PARVB: variants seen among roughly 807,000 people sequenced by gnomAD.
The protein encoded by PARVB is parvin beta, also known as beta-parvin.
Under a neutral mutation model 47.0 loss-of-function variants are expected in PARVB, and 46 were observed. That is an observed-to-expected ratio of 0.98 (90% confidence interval 0.77 to 1.25). PARVB has a LOEUF of 1.25. Ranked by LOEUF, PARVB falls within the 50% of genes most tolerant of loss-of-function variation. The probability of loss-of-function intolerance (pLI) is 0.00; values close to 1 mark genes in which losing one functional copy is unlikely to be tolerated. For synonymous variants in PARVB, 196 were observed against 196.3 expected (o/e 1.00, Z 0.01); for missense variants, 473 against 471.6 (o/e 1.00, Z -0.03).
intron 10 of PARVB, 111 bp downstream of exon 10, chr22:44,151,662 A>G: frequency 2.4e-6 from 2 of 824,620 alleles, no homozygotes; most frequent in Non-Finnish European, 2.1e-6. Context: ...TTCATCTCAC[A>G]AGGAACTCCC....
intron 2 of PARVB, among the ~76,000 whole-genome samples, chr22:44,011,865 A>T (rs9614312): frequency 0.073 from 11,074 of 151,682 alleles, 535 homozygotes; most frequent in Non-Finnish European, 0.11. Flanking sequence ...CCAAAACACC[A>T]CTCTCATCCC....
At chr22:44,003,851 C>A (rs2050437098) in intron 2 of PARVB, among the ~76,000 whole-genome samples, 1 of 152,202 alleles carries the variant, frequency 6.6e-6, no homozygotes, top group Non-Finnish European at 1.5e-5. Context: ...CCCCAGAGGT[C>A]CCACAGCCTC....
intron 2 of PARVB, among the ~76,000 whole-genome samples, chr22:44,013,768 G>T (rs1409099996): frequency 6.6e-6 from 1 of 152,066 alleles, no homozygotes; most frequent in East Asian, 1.9e-4. Context: ...GAGTAGCTGG[G>T]ATTACAGGTG....
At position 43,999,510 on chromosome 22, in the gene PARVB, A is replaced by G. The variant is rs1307522840; in HGVS notation, c.72-24A>G. 4 of 1,562,038 alleles carry G rather than the reference A, an allele frequency of 2.6e-6. No homozygotes were observed. The Admixed American group carries it at 5.0e-5, about 20-fold the overall frequency. ...CTTGAGAAACTGGATCCGACAAACA[A>G]AAAATGTTCATTCCTACCTGCAGCA... On this transcript the variant is annotated intron_variant, in intron 1 of 13. Transcript: ENST00000406477.
At chr22:44,009,305 C>T (rs1414636978) in intron 2 of PARVB, among the ~76,000 whole-genome samples, 1 of 152,184 alleles carries the variant, frequency 6.6e-6, no homozygotes, top group Non-Finnish European at 1.5e-5. Context: ...AACCCAAACC[C>T]ATGAAAGTTT....
intron 1 of PARVB, among the ~76,000 whole-genome samples, chr22:44,055,641 T>C (rs372932300): frequency 4.2e-4 from 63 of 149,112 alleles, no homozygotes; most frequent in African/African-American, 1.4e-3. Flanking sequence ...CCTGTCTCTC[T>C]GTCTGTCTCT....
In PARVB at chr22:44,082,577, C is replaced by T. The variant is rs142495160; in HGVS notation, c.113-11351C>T. Reference sequence around the variant, plus strand: ...AAAACTGACTCATGTGGCTTTCAGTCTGAGAAACCAATCAGATCATCATTG... The same window carrying T: ...AAAACTGACTCATGTGGCTTTCAGTTTGAGAAACCAATCAGATCATCATTG... On this transcript the variant is annotated intron_variant, in intron 1 of 12. Coordinates refer to ENST00000338758, the MANE Select transcript of PARVB (RefSeq NM_013327.5). Among the ~76,000 whole-genome samples the T allele has an allele frequency of 5.9e-3, 898 of 152,238 alleles. 5 individuals carry two copies. The highest frequency in any genetic ancestry group is 0.021 in the African/African-American group (863 of 41,544).
chr22:44,133,328 A>G (rs530755216), intron 6 of PARVB, among the ~76,000 whole-genome samples: 11 of 152,250 alleles, frequency 7.2e-5, no homozygotes, highest in Middle Eastern at 6.8e-3. Context: ...CTTATTACTC[A>G]TTGGAGGAGG....
intron 1 of PARVB, among the ~76,000 whole-genome samples, chr22:44,079,676 A>G (rs971121835): frequency 3.3e-5 from 5 of 152,076 alleles, no homozygotes; most frequent in Non-Finnish European, 5.9e-5. Context: ...AAAACAATAC[A>G]TTACACTTTG....
upstream of PARVB, among the ~76,000 whole-genome samples, chr22:44,020,024 G>A (rs1426623717): frequency 6.6e-6 from 1 of 152,102 alleles, no homozygotes; most frequent in Non-Finnish European, 1.5e-5. Context: ...TGATGAACGG[G>A]CTGAGGATTT....
chr22:44,168,775 C>T lies in PARVB; in HGVS notation c.*97C>T, dbSNP rs2054230295. ...CCAGGGAGCCAGGCGCCATGGGCTT[C>T]TGGTCCAAGCTGTGTTGACTGTCAT... On this transcript the variant is annotated 3_prime_UTR_variant, in exon 13 of 13. Transcript: ENST00000338758. 1.6e-5 allele frequency: 13 copies of T among 797,096 alleles called. No individual in the cohort carries two copies. In the South Asian group the frequency reaches 1.9e-4, roughly 12 times the overall value. The allele number at this position is 797,096 out of a possible 1,614,324, so 49.4% of individuals were successfully genotyped here.
At chr22:44,104,012 A>G (rs1185945019) in intron 3 of PARVB, 1 of 152,196 alleles carries the variant, frequency 6.6e-6, no homozygotes, top group Non-Finnish European at 1.5e-5. Flanking sequence ...TTAATTTGTT[A>G]CAGTAGCCAC....
intron 8 of PARVB, 91 bp downstream of exon 8, chr22:44,140,234 G>A: frequency 7.6e-7 from 1 of 1,318,600 alleles, no homozygotes; most frequent in Non-Finnish European, 1.1e-6. Context: ...TCTGGAGGGA[G>A]TGGGAAACTA....
chr22:44,016,135 C>T (rs561889482), intron 2 of PARVB, among the ~76,000 whole-genome samples: 108 of 135,462 alleles, frequency 8.0e-4, no homozygotes, highest in South Asian at 1.8e-3. Context: ...CTCGCTCTGT[C>T]GCCCAGGCTG....
At position 44,100,073 on chromosome 22, in the gene PARVB, A is replaced by G. The variant is rs56194750; in HGVS notation, c.223A>G (p.Met75Val). ...TQLEENEERT[M>V]IDPTSKEDPK... Reference sequence around the variant, plus strand: ...GGCAGAGGAGAACGAGGAGCGCACGATGATTGACCCCACTTCCAAGGAAGA... The same window carrying G: ...GGCAGAGGAGAACGAGGAGCGCACGGTGATTGACCCCACTTCCAAGGAAGA... The change falls in exon 3 of 13, where the codon ATG (methionine) becomes GTG (valine). Residue 75 changes from methionine to valine, a missense_variant. Transcript: ENST00000338758. 6,441 of 1,614,034 alleles carry G rather than the reference A, an allele frequency of 4.0e-3. 21 individuals are homozygous for G. Among genetic ancestry groups the G allele is most frequent in the Non-Finnish European group, 4.0e-3 (4,741 of 1,179,940 alleles).
At chr22:44,160,286 A>G (rs902636568) in intron 11 of PARVB, among the ~76,000 whole-genome samples, 1 of 152,192 alleles carries the variant, frequency 6.6e-6, no homozygotes, top group African/African-American at 2.4e-5. Context: ...CTTCCCCCTC[A>G]GCATTACTGG....
In PARVB at chr22:44,032,729, G is replaced by A. The variant is rs913928549; in HGVS notation, c.112+8278G>A. 3.9e-5 allele frequency among the ~76,000 whole-genome samples: 6 copies of A among 152,296 alleles called. No individual in the cohort carries two copies. The Middle Eastern group carries it at 0.014, about 345-fold the overall frequency. ...AGACACCAGAGTCCAGAGCTGGTAC[G>A]TGGTACAGCAGAAGTGGCAAGTCAG... On this transcript the variant is annotated intron_variant, in intron 1 of 12. Coordinates refer to ENST00000338758, the MANE Select transcript of PARVB (RefSeq NM_013327.5).
rs574773756 is a variant in PARVB, at chr22:44,087,211, C to T, written c.113-6717C>T. Among the ~76,000 whole-genome samples, 99 of 152,290 alleles carry T rather than the reference C, an allele frequency of 6.5e-4. 1 individual carries two copies. The South Asian group carries it at 9.5e-3, about 15-fold the overall frequency. ...GTTTTCTCTTTGATCCTGGTTCAGA[C>T]GGGGCCCTCTGAAATTTCTCGCCCT... On this transcript the variant is annotated intron_variant, in intron 1 of 12. Coordinates refer to ENST00000338758, the MANE Select transcript of PARVB (RefSeq NM_013327.5).
chr22:44,120,841 GT>G (rs61215212), intron 4 of PARVB, among the ~76,000 whole-genome samples: 14,852 of 142,950 alleles, frequency 0.1, 2,383 homozygotes, highest in African/African-American at 0.35. Context: ...ACACTTGGCT[GT>G]TTTTTTTTTT....
Sources: allele counts gnomAD v4.1 joint callset (sites outside exome capture counted in the v4.1 genomes callset), GRCh38; gene constraint gnomAD v4.1.1; transcripts MANE v1.5; gene names NCBI Gene and HGNC (gene_info 2026-07-23, HGNC 2026-07-21).